Variants in MOB3A observed in about 807,000 individuals in gnomAD.
The protein encoded by MOB3A is MOB kinase activator 3A, also known as MOB LAK.
Under a neutral mutation model 17.8 loss-of-function variants are expected in MOB3A, and 17 were observed. The observed-to-expected ratio is 0.95, with a 90% CI of 0.65 to 1.43. MOB3A has a LOEUF of 1.43. Among genes scored for constraint, MOB3A ranks in the 40% most tolerant of loss-of-function variants. The pLI is 0.00. For missense variants in MOB3A, 333 were observed against 310.8 expected, an observed-to-expected ratio of 1.07 and a Z score of -0.54; for synonymous variants, 124 against 133.2, an observed-to-expected ratio of 0.93 and a Z score of 0.48.
In MOB3A at chr19:2,078,434, G is replaced by C. The variant is rs781417807; in HGVS notation, c.127C>G (p.Leu43Val). 6.2e-7 allele frequency: 1 copy of C among 1,613,678 alleles called. No homozygotes were observed. Among genetic ancestry groups the C allele is most frequent in the African/African-American group, 1.3e-5 (1 of 74,946 alleles). The change falls in exon 3 of 5, where the codon CTG becomes GTG. Residue 43 changes from leucine (L) to valine (V), a missense_variant. Coordinates refer to ENST00000357066, the MANE Select transcript of MOB3A (RefSeq NM_130807.3). Reference protein sequence around the residue: ...KKAQASLNAGLDLRLAVQLPP... With the variant: ...KKAQASLNAGVDLRLAVQLPP... ...AACTGCACGGCCAGCCGCAGGTCCAGCCCGGCGTTCAGCGACGCCTGCGCC... is the reference window on the plus strand; with the variant it reads ...AACTGCACGGCCAGCCGCAGGTCCACCCCGGCGTTCAGCGACGCCTGCGCC...
intron 4 of MOB3A, among the ~76,000 whole-genome samples, chr19:2,075,163 G>A (rs944816641): frequency 1.1e-4 from 17 of 152,020 alleles, no homozygotes; most frequent in Non-Finnish European, 2.4e-4. Context: ...TGAGTAGCTA[G>A]GACCACAGGC....
intron 4 of MOB3A, among the ~76,000 whole-genome samples, chr19:2,073,973 G>A (rs1203468057): frequency 1.3e-5 from 2 of 152,052 alleles, no homozygotes; most frequent in African/African-American, 2.4e-5. Context: ...AGAGGTTACC[G>A]TGAGCCAAGA....
In MOB3A at chr19:2,071,050, T is replaced by C. The variant is rs1329773251; in HGVS notation, c.*2345A>G. On this transcript the variant is annotated 3_prime_UTR_variant, in exon 5 of 5. Transcript: ENST00000357066. ...GACACCATTTATTCCGACGTCTGCG[T>C]CTGTAGTTTTATTCCGTATCTGGCT... The C allele has an allele frequency of 6.6e-6, 1 of 152,002 alleles. No homozygotes were observed. The highest frequency in any genetic ancestry group is 1.5e-5 in the Non-Finnish European group (1 of 68,032). 9.4% of individuals were successfully genotyped at this position (152,002 alleles called of 1,614,324 possible). A position where few individuals can be genotyped will look rare whatever the true frequency, so the allele number is the denominator to read the frequency against.
rs952248234 is a variant in MOB3A at position 2,073,055 on chromosome 19, T to C, written c.*340A>G. 2 of 347,138 alleles carry C rather than the reference T, an allele frequency of 5.8e-6. No homozygotes were observed. The highest frequency in any genetic ancestry group is 1.1e-5 in the Non-Finnish European group (2 of 190,034). 21.5% of individuals were successfully genotyped at this position (347,138 alleles called of 1,614,324 possible). On this transcript the variant is annotated 3_prime_UTR_variant, in exon 5 of 5. Coordinates refer to ENST00000357066, the MANE Select transcript of MOB3A (RefSeq NM_130807.3). ...GGTGGAGGCAGAAGTTCCAGGAGCC[T>C]GGGAGCCACCCAGGGCAAGGAGTGA...
chr19:2,073,440 A>C lies in MOB3A; in HGVS notation c.625-16T>G. On this transcript the variant is annotated splice_polypyrimidine_tract_variant and intron_variant, in intron 4 of 4. Coordinates refer to ENST00000357066, the MANE Select transcript of MOB3A (RefSeq NM_130807.3). ...TCATTTCTTTCTGTAAAGAGCAAGCAAGACATCAGCTCCCACCAGCCACTC... is the reference window on the plus strand; with the variant it reads ...TCATTTCTTTCTGTAAAGAGCAAGCCAGACATCAGCTCCCACCAGCCACTC... 6.2e-7 allele frequency: 1 copy of C among 1,613,878 alleles called. No individual in the cohort carries two copies. The highest frequency in any genetic ancestry group is 1.1e-5 in the South Asian group (1 of 91,084).
At chr19:2,090,056 A>T (rs1198229762) in intron 1 of MOB3A, 1 of 152,136 alleles carries the variant, frequency 6.6e-6, no homozygotes, top group East Asian at 1.9e-4. Context: ...CACTGAGGGG[A>T]TTCTGGGGGC....
chr19:2,086,742 T>C (rs2017558367), intron 1 of MOB3A, among the ~76,000 whole-genome samples: 1 of 152,168 alleles, frequency 6.6e-6, no homozygotes, highest in Non-Finnish European at 1.5e-5. Flanking sequence ...GCGTCTTCCC[T>C]GATCACCCAG....
intron 1 of MOB3A, among the ~76,000 whole-genome samples, chr19:2,094,258 A>AG (rs2017645106): frequency 6.6e-6 from 1 of 151,934 alleles, no homozygotes; most frequent in Non-Finnish European, 1.5e-5. Flanking sequence ...TGTGTTAGCC[A>AG]GTATGGTCTC....
In MOB3A at chr19:2,082,586, C is replaced by T. The variant is rs1434546959; in HGVS notation, c.-120+2589G>A. On this transcript the variant is annotated intron_variant, in intron 2 of 4. Coordinates refer to ENST00000357066, the MANE Select transcript of MOB3A (RefSeq NM_130807.3). The surrounding 1 kb of genome is among the most constrained non-coding windows in gnomAD (Gnocchi z 4.1). ...GGACTCTGTGGGTGAAGCCACCGCT[C>T]TTTCTGCCCCACAACTCCCTAAATT... is the stretch of plus-strand genomic sequence containing the variant. Among the ~76,000 whole-genome samples the T allele has an allele frequency of 6.6e-6, 1 of 152,202 alleles. No homozygotes were observed. Among genetic ancestry groups the T allele is most frequent in the Non-Finnish European group, 1.5e-5 (1 of 68,032 alleles).
chr19:2,077,740 G>C (rs972997983), intron 3 of MOB3A, among the ~76,000 whole-genome samples: 9 of 152,076 alleles, frequency 5.9e-5, no homozygotes, highest in African/African-American at 1.4e-4. Flanking sequence ...GGATGAAGGG[G>C]GGCTACTAAG....
At chr19:2,095,314 T>A (rs1335052056) in intron 1 of MOB3A, 1 of 152,290 alleles carries the variant, frequency 6.6e-6, no homozygotes, top group Admixed American at 6.5e-5. Flanking sequence ...CCCTCCCCTC[T>A]CAGTGACTCC....
At chr19:2,087,979 G>A (rs1238662684) in intron 1 of MOB3A, among the ~76,000 whole-genome samples, 2 of 152,202 alleles carry the variant, frequency 1.3e-5, no homozygotes, top group Non-Finnish European at 2.9e-5. Flanking sequence ...CCGCCCAGTG[G>A]GAGCCAGGGG....
Position 2,084,176 on chromosome 19 carries a change from C to T in MOB3A, c.-120+999G>A, listed in dbSNP as rs185913633. The T allele has an allele frequency of 2.6e-3, 1,284 of 487,174 alleles. 26 individuals are homozygous for T. The Admixed American group carries it at 0.027, about 10-fold the overall frequency. The allele number at this position is 487,174 out of a possible 1,614,324, so 30.2% of individuals were successfully genotyped here. On this transcript the variant is annotated intron_variant, in intron 2 of 4. Coordinates refer to ENST00000357066, the MANE Select transcript of MOB3A (RefSeq NM_130807.3). ...AGCCCGAGGAGCTTGTAAACTTCCT[C>T]TTGGCATGTCTGTCTCCTTTCAGAA...
chr19:2,075,012 G>A (rs532301887), intron 4 of MOB3A, among the ~76,000 whole-genome samples: 270 of 151,060 alleles, frequency 1.8e-3, no homozygotes, highest in Admixed American at 3.8e-3. Context: ...CCACCACGCC[G>A]GGCCTTAATC....
chr19:2,089,537 T>C (rs2017589487), intron 1 of MOB3A, among the ~76,000 whole-genome samples: 1 of 150,650 alleles, frequency 6.6e-6, no homozygotes. Flanking sequence ...CAGTGTCCCC[T>C]GGGGGCAGAA....
At chr19:2,073,572 GCA>G (rs2017367386) in intron 4 of MOB3A, 148 bp from the exon 5 acceptor site, 1 of 988,992 alleles carries the variant, frequency 1.0e-6, no homozygotes, top group Admixed American at 1.9e-5. Context: ...ACAGGCAATG[GCA>G]CACCTGAGAC....
At chr19:2,074,902 A>G (rs1312836464) in intron 4 of MOB3A, among the ~76,000 whole-genome samples, 2 of 151,932 alleles carry the variant, frequency 1.3e-5, no homozygotes, top group Non-Finnish European at 2.9e-5. Context: ...TATTTTTAGT[A>G]GCGATGGGGT....
chr19:2,086,093 T>A (rs1022539290), intron 1 of MOB3A, among the ~76,000 whole-genome samples: 1 of 151,130 alleles, frequency 6.6e-6, no homozygotes, highest in East Asian at 2.0e-4. Flanking sequence ...CAGGCTGGAG[T>A]GCAGTGGTAC....
intron 4 of MOB3A, among the ~76,000 whole-genome samples, chr19:2,074,538 A>G (rs2017379624): frequency 6.6e-6 from 1 of 151,988 alleles, no homozygotes; most frequent in East Asian, 1.9e-4. Context: ...TGAGGAAGTT[A>G]TGTGAAGATG....
Sources: allele counts gnomAD v4.1 joint callset (sites outside exome capture counted in the v4.1 genomes callset), GRCh38; gene constraint gnomAD v4.1.1; non-coding constraint Gnocchi (gnomAD v3.1); transcripts MANE v1.5; gene names NCBI Gene and HGNC (gene_info 2026-07-23, HGNC 2026-07-21).